Variants in DGKB observed in about 807,000 individuals in gnomAD.
DGKB encodes the protein diacylglycerol kinase beta.
In DGKB, 67 loss-of-function variants were observed where a neutral mutation model predicts 114.3. The ratio of observed to expected loss-of-function variants is 0.59; its 90% CI spans 0.48 to 0.72. DGKB has a LOEUF of 0.72. DGKB is among the 30% of genes least tolerant of loss of function. The pLI is 0.00. For synonymous variants in DGKB, 398 were observed against 323.1 expected (o/e 1.23, Z -2.49); for missense variants, 907 against 975.2 (o/e 0.93, Z 0.93).
At chr7:14,851,860 C>T (rs1849395440) in intron 1 of DGKB, among the ~76,000 whole-genome samples, 1 of 152,150 alleles carries the variant, frequency 6.6e-6, no homozygotes, top group Non-Finnish European at 1.5e-5. Context: ...AAGCCAGCTT[C>T]CACCCCCAAA....
At chr7:14,289,093 T>TATTA (rs1202576201) in intron 23 of DGKB, among the ~76,000 whole-genome samples, 1 of 152,222 alleles carries the variant, frequency 6.6e-6, no homozygotes, top group Non-Finnish European at 1.5e-5. Context: ...ACATATTGTT[T>TATTA]ATTATAGAAT....
intron 2 of DGKB, among the ~76,000 whole-genome samples, chr7:14,809,658 G>A (rs1843182703): frequency 6.6e-6 from 1 of 151,916 alleles, no homozygotes; most frequent in Non-Finnish European, 1.5e-5. Flanking sequence ...AATATCTTTG[G>A]CATAATTAAC....
chr7:14,336,971 G>T (rs2128571099), intron 23 of DGKB, among the ~76,000 whole-genome samples: 1 of 152,204 alleles, frequency 6.6e-6, no homozygotes, highest in African/African-American at 2.4e-5. Flanking sequence ...ACTTAACCTG[G>T]AAATTATTTT....
At chr7:14,584,611 C>T (rs539059838) in intron 17 of DGKB, among the ~76,000 whole-genome samples, 42 of 152,152 alleles carry the variant, frequency 2.8e-4, no homozygotes, top group African/African-American at 9.2e-4. Flanking sequence ...ATGAAAAGAA[C>T]ACTCAAAGAT....
At chr7:14,639,803 C>T (rs547718315) in intron 13 of DGKB, among the ~76,000 whole-genome samples, 32 of 152,262 alleles carry the variant, frequency 2.1e-4, no homozygotes, top group African/African-American at 7.2e-4. Context: ...CTCCATAAAT[C>T]ACACAAAGCC....
intron 2 of DGKB, among the ~76,000 whole-genome samples, chr7:14,799,836 C>T (rs983487783): frequency 6.6e-6 from 1 of 152,066 alleles, no homozygotes; most frequent in African/African-American, 2.4e-5. Flanking sequence ...GTGTGAGGAG[C>T]CTTTGGTAGA....
At chr7:14,343,354 G>A (rs1005901490) in intron 22 of DGKB, among the ~76,000 whole-genome samples, 1 of 151,772 alleles carries the variant, frequency 6.6e-6, no homozygotes, top group Non-Finnish European at 1.5e-5. Flanking sequence ...ACATAACTTA[G>A]TTCTAGTAGC....
rs545308652 is a variant in DGKB at position 14,853,522 on chromosome 7, C to A, written c.-187-12072G>T. Among the ~76,000 whole-genome samples the A allele has an allele frequency of 2.7e-4, 41 of 151,786 alleles. 1 individual carries two copies. The highest frequency in any genetic ancestry group is 8.0e-4 in the African/African-American group (33 of 41,400). The stretch of plus-strand genomic sequence containing the variant: ...CTAGGAATGTTTAAGCCATAAATTG[C>A]AAACACTTTTAGAAGTGAGTTTAAA... On this transcript the variant is annotated intron_variant, in intron 1 of 25. Coordinates refer to ENST00000402815, the MANE Select transcript of DGKB (RefSeq NM_001350709.2).
intron 6 of DGKB, among the ~76,000 whole-genome samples, chr7:14,710,117 G>C (rs1827103490): frequency 6.6e-6 from 1 of 152,042 alleles, no homozygotes; most frequent in Non-Finnish European, 1.5e-5. Context: ...GTTTGGGGGA[G>C]AATCTTTAAA....
At chr7:14,354,911 A>C (rs532050835) in intron 21 of DGKB, among the ~76,000 whole-genome samples, 1 of 152,158 alleles carries the variant, frequency 6.6e-6, no homozygotes, top group African/African-American at 2.4e-5. Flanking sequence ...GTCATGATTC[A>C]ATTATGTTTC....
At position 14,345,836 on chromosome 7, in the gene DGKB, A is replaced by G. The variant is rs1812387388; in HGVS notation, c.1836-445T>C. Among the ~76,000 whole-genome samples, 2 of 151,678 alleles carry G rather than the reference A, an allele frequency of 1.3e-5. 1 individual carries two copies. The highest frequency in any genetic ancestry group is 4.1e-4 in the South Asian group (2 of 4,834). On this transcript the variant is annotated intron_variant, in intron 21 of 25. Coordinates refer to ENST00000402815, the MANE Select transcript of DGKB (RefSeq NM_001350709.2). ...ATATCAATAAAAGTTGCAAAGAAAT[A>G]TAATTAAAATAATTTCAGTATTTAA...
At chr7:14,732,859 G>T (rs1440749414) in intron 5 of DGKB, among the ~76,000 whole-genome samples, 3 of 152,020 alleles carry the variant, frequency 2.0e-5, no homozygotes, top group African/African-American at 7.3e-5. Flanking sequence ...GAAGTTTTAG[G>T]TTTGAATTTC....
chr7:14,237,118 G>A (rs920224448), intron 23 of DGKB, among the ~76,000 whole-genome samples: 3 of 151,864 alleles, frequency 2.0e-5, no homozygotes, highest in Non-Finnish European at 2.9e-5. Context: ...ATAGTCCAGC[G>A]TTACACTTGC....
intron 1 of DGKB, 47 bp from the exon 2 acceptor site, chr7:14,841,497 C>T (rs551510812): frequency 2.6e-6 from 1 of 380,246 alleles, no homozygotes; most frequent in Non-Finnish European, 4.7e-6. Context: ...AACATGATTG[C>T]ACAAAGGAAA....
In DGKB at chr7:14,646,399, C is replaced by T. The variant is rs190494601; in HGVS notation, c.1135-16131G>A. On this transcript the variant is annotated intron_variant, in intron 13 of 25. Transcript: ENST00000402815. Reference sequence around the variant, plus strand: ...ACCATAATACAATAATAGCTAGGAACTTCAATGCCCCACATTGAGTATTAG... The same window carrying T: ...ACCATAATACAATAATAGCTAGGAATTTCAATGCCCCACATTGAGTATTAG... Among the ~76,000 whole-genome samples the T allele has an allele frequency of 5.3e-3, 814 of 152,222 alleles. 6 individuals carry two copies. Among genetic ancestry groups the T allele is most frequent in the Non-Finnish European group, 8.0e-3 (542 of 67,982 alleles).
intron 25 of DGKB, 114 bp downstream of exon 25, chr7:14,176,725 T>TAGACA: frequency 6.5e-7 from 1 of 1,532,730 alleles, no homozygotes; most frequent in Admixed American, 1.9e-5. Flanking sequence ...ACAAAAAGAC[T>TAGACA]ATTTGCTGAT....
intron 2 of DGKB, among the ~76,000 whole-genome samples, chr7:14,832,299 A>G (rs1456446377): frequency 3.3e-5 from 5 of 151,830 alleles, no homozygotes; most frequent in Admixed American, 6.6e-5. Flanking sequence ...TAGGATCACA[A>G]TCTTTTGTCA....
chr7:14,889,095 C>A (rs1170376841), intron 1 of DGKB, among the ~76,000 whole-genome samples: 1 of 151,642 alleles, frequency 6.6e-6, no homozygotes, highest in Non-Finnish European at 1.5e-5. Context: ...CAGGTTCCAG[C>A]ATTGGCAAGA....
At chr7:14,823,523 G>A (rs988943937) in intron 2 of DGKB, among the ~76,000 whole-genome samples, 2 of 151,942 alleles carry the variant, frequency 1.3e-5, no homozygotes, top group South Asian at 2.1e-4. Context: ...AAAACTGAGA[G>A]AACTAATTGA....
Sources: allele counts gnomAD v4.1 joint callset (sites outside exome capture counted in the v4.1 genomes callset), GRCh38; gene constraint gnomAD v4.1.1; transcripts MANE v1.5; gene names NCBI Gene and HGNC (gene_info 2026-07-23, HGNC 2026-07-21).